SRGAP2B: variants seen among roughly 807,000 people sequenced by gnomAD.
SRGAP2B encodes the protein SLIT-ROBO Rho GTPase-activating protein 2B.
Under a neutral mutation model 22.2 loss-of-function variants are expected in SRGAP2B, and 9 were observed. That is an observed-to-expected ratio of 0.41 (90% CI 0.24 to 0.71). SRGAP2B has a LOEUF of 0.71. Ranked by LOEUF, SRGAP2B falls within the 30% of genes least tolerant of loss-of-function variation. The pLI is 0.35. For missense variants in SRGAP2B, 114 were observed against 235.8 expected (o/e 0.48, Z 3.38); for synonymous variants, 36 against 87.4 (o/e 0.41, Z 3.28).
At chr1:145,023,001 C>T (rs1647315509) in intron 2 of SRGAP2B, among the ~76,000 whole-genome samples, 1 of 149,618 alleles carries the variant, frequency 6.7e-6, no homozygotes, top group Non-Finnish European at 1.5e-5. Context: ...CCCGTCTCTA[C>T]TAAAAATACA....
chr1:144,959,141 C>T (rs1442791533), intron 3 of SRGAP2B, among the ~76,000 whole-genome samples: 2 of 149,882 alleles, frequency 1.3e-5, no homozygotes, highest in Non-Finnish European at 2.9e-5. Context: ...GGTTCAATCA[C>T]ATGCCATAGA....
Position 144,997,426 on chromosome 1 carries a change from G to A in SRGAP2B, c.68-2226C>T, listed in dbSNP as rs79059697. Among the ~76,000 whole-genome samples, 33 of 150,470 alleles carry A rather than the reference G, an allele frequency of 2.2e-4. No individual in the cohort carries two copies. The East Asian group carries it at 3.9e-3, about 18-fold the overall frequency. On this transcript the variant is annotated intron_variant, in intron 2 of 9. Transcript: ENST00000612199. ...AGCCTGGGCGACAGAGCAAGACTCC[G>A]TCTCAAACAAACAACAAAAAAAAGA...
At chr1:144,951,893 T>G (rs1300794613) in intron 4 of SRGAP2B, among the ~76,000 whole-genome samples, 1 of 148,156 alleles carries the variant, frequency 6.7e-6, no homozygotes, top group Admixed American at 6.7e-5. Flanking sequence ...TTGGTATTTC[T>G]TTATTGCTGA....
chr1:144,933,479 G>A (rs61804386), intron 4 of SRGAP2B, among the ~76,000 whole-genome samples: 4,493 of 137,444 alleles, frequency 0.033, 91 homozygotes, highest in Non-Finnish European at 0.049. Context: ...TTCTCCTCTC[G>A]CCTAGGTCAA....
intron 2 of SRGAP2B, among the ~76,000 whole-genome samples, chr1:145,066,933 C>G (rs1230746494): frequency 2.7e-5 from 4 of 148,302 alleles, no homozygotes; most frequent in South Asian, 2.2e-4. Context: ...ACAAATCTAC[C>G]AAGTGAGCAG....
chr1:145,088,385 C>T (rs1553635775), intron 2 of SRGAP2B, among the ~76,000 whole-genome samples: 2 of 126,538 alleles, frequency 1.6e-5, no homozygotes, highest in Non-Finnish European at 3.3e-5. Context: ...TATCAAAATG[C>T]TCCAGATGGA....
intron 3 of SRGAP2B, among the ~76,000 whole-genome samples, chr1:144,971,542 G>A (rs61822936): frequency 2.0e-5 from 3 of 150,702 alleles, no homozygotes; most frequent in Admixed American, 6.6e-5. Flanking sequence ...CAATCCTCCC[G>A]CCTCAGCCTC....
At chr1:144,991,157 A>T (rs1340605872) in intron 3 of SRGAP2B, among the ~76,000 whole-genome samples, 1 of 150,886 alleles carries the variant, frequency 6.6e-6, no homozygotes, top group Non-Finnish European at 1.5e-5. Flanking sequence ...TAGCTCAGGG[A>T]TTGTAAATAC....
intron 2 of SRGAP2B, among the ~76,000 whole-genome samples, chr1:145,021,750 G>C (rs1286590561): frequency 6.7e-6 from 1 of 148,780 alleles, no homozygotes; most frequent in East Asian, 2.0e-4. Context: ...GGAGGCAGAG[G>C]TTGCCGTGAG....
At chr1:144,955,365 A>G in intron 4 of SRGAP2B, 74 bp downstream of exon 4, 1 of 783,662 alleles carries the variant, frequency 1.3e-6, no homozygotes, top group South Asian at 1.6e-5. Context: ...GGTAATCAAC[A>G]TAATATCTAA....
At chr1:144,950,856 T>C (rs1666802252) in intron 4 of SRGAP2B, among the ~76,000 whole-genome samples, 1 of 150,728 alleles carries the variant, frequency 6.6e-6, no homozygotes, top group African/African-American at 2.5e-5. Flanking sequence ...CTCTCTCTCT[T>C]CTTTTTTTCT....
intron 3 of SRGAP2B, among the ~76,000 whole-genome samples, chr1:144,993,334 GAGTAGGACCTGAGAT>G (rs1670409364): frequency 6.6e-6 from 1 of 150,954 alleles, no homozygotes; most frequent in East Asian, 1.9e-4. Flanking sequence ...AGTAGGACTG[GAGTAGGACCTGAGAT>G]ACTGCATTTC....
intron 2 of SRGAP2B, among the ~76,000 whole-genome samples, chr1:145,006,163 C>A (rs1456250859): frequency 6.6e-6 from 1 of 150,900 alleles, no homozygotes; most frequent in Non-Finnish European, 1.5e-5. Context: ...TTGGAGTGAC[C>A]TATTCAATCA....
At chr1:145,057,075 T>C (rs1293084471) in intron 2 of SRGAP2B, among the ~76,000 whole-genome samples, 1 of 139,134 alleles carries the variant, frequency 7.2e-6, no homozygotes, top group East Asian at 2.4e-4. Flanking sequence ...CAATCATTTC[T>C]AAAAGAAACA....
chr1:145,038,909 C>T (rs1306018126), intron 2 of SRGAP2B, among the ~76,000 whole-genome samples: 1 of 87,362 alleles, frequency 1.1e-5, no homozygotes, highest in East Asian at 3.1e-4. Context: ...AGCACAAGTG[C>T]TTTTTTATTA....
intron 3 of SRGAP2B, among the ~76,000 whole-genome samples, chr1:144,956,429 T>G (rs2747580): frequency 1.5e-5 from 2 of 133,474 alleles, no homozygotes; most frequent in Admixed American, 7.6e-5. Context: ...TAAACCAAGG[T>G]GCTCATTCCC....
intron 2 of SRGAP2B, among the ~76,000 whole-genome samples, chr1:145,017,360 T>C (rs587662458): frequency 1.4e-4 from 20 of 146,436 alleles, no homozygotes; most frequent in Non-Finnish European, 4.5e-5. Flanking sequence ...AAAAAATTTT[T>C]TGACATTAGA....
chr1:144,971,136 T>C (rs1553613167), intron 3 of SRGAP2B, among the ~76,000 whole-genome samples: 2 of 149,534 alleles, frequency 1.3e-5, no homozygotes, highest in Non-Finnish European at 3.0e-5. Flanking sequence ...ACTTCCTTTT[T>C]TTTTTTTTTT....
rs1664221386 is a variant in SRGAP2B at position 144,921,132 on chromosome 1, C to T, written c.424-6378G>A. 2.7e-5 allele frequency among the ~76,000 whole-genome samples: 4 copies of T among 146,156 alleles called. No homozygotes were observed. The South Asian group carries it at 8.6e-4, about 32-fold the overall frequency. On this transcript the variant is annotated intron_variant, in intron 4 of 9. Transcript: ENST00000612199. ...CCCATCAGAATGCAATTCTTCCAAT[C>T]TCAAAGGTATTACTAGAAATGGAAT...
Sources: gnomAD v4.1 joint callset for allele counts (sites outside exome capture counted in the v4.1 genomes callset) on GRCh38, gnomAD v4.1.1 for gene constraint, MANE v1.5 for transcripts, NCBI Gene and HGNC (gene_info 2026-07-23, HGNC 2026-07-21) for gene names.